Variants in TIAM1 observed in about 807,000 individuals in gnomAD.
TIAM1 encodes rho guanine nucleotide exchange factor TIAM1.
In TIAM1, 65 loss-of-function variants were observed where a neutral mutation model predicts 163.5. The ratio of observed to expected loss-of-function variants is 0.40; its 90% CI spans 0.33 to 0.49. TIAM1 has a LOEUF of 0.49. Ranked by LOEUF, TIAM1 falls within the 20% of genes least tolerant of loss-of-function variation. The probability of loss-of-function intolerance (pLI) is 0.77; values close to 1 mark genes in which losing one functional copy is unlikely to be tolerated. For synonymous variants in TIAM1, 833 were observed against 810.1 expected, an observed-to-expected ratio of 1.03 and a Z score of -0.48; for missense variants, 1,789 against 2,044.7, an observed-to-expected ratio of 0.87 and a Z score of 2.41.
chr21:31,557,405 T>C (rs1053209950), intron 1 of TIAM1, among the ~76,000 whole-genome samples: 2 of 152,188 alleles, frequency 1.3e-5, no homozygotes, highest in Non-Finnish European at 2.9e-5. Context: ...TCACTGTGCT[T>C]TGAGGTTAAT....
chr21:31,297,467 T>G (rs867949192), intron 2 of TIAM1, among the ~76,000 whole-genome samples: 1 of 152,204 alleles, frequency 6.6e-6, no homozygotes, highest in Non-Finnish European at 1.5e-5. Context: ...AGATCTCGGC[T>G]CACTGCAATC....
intron 15 of TIAM1, among the ~76,000 whole-genome samples, chr21:31,167,150 G>C (rs2084272227): frequency 6.9e-6 from 1 of 144,576 alleles, no homozygotes; most frequent in African/African-American, 2.6e-5. Context: ...GGAGTGCAGT[G>C]GTGCAATCTC....
chr21:31,419,122 T>C (rs2043476780), intron 2 of TIAM1, among the ~76,000 whole-genome samples: 1 of 152,066 alleles, frequency 6.6e-6, no homozygotes, highest in African/African-American at 2.4e-5. Flanking sequence ...TCCTCCAACC[T>C]CCTCGCTTCT....
intron 2 of TIAM1, among the ~76,000 whole-genome samples, chr21:31,284,224 G>C (rs868674785): frequency 4.6e-5 from 7 of 152,216 alleles, no homozygotes; most frequent in Non-Finnish European, 7.3e-5. Flanking sequence ...AAACATAAGA[G>C]AGTAATAATC....
chr21:31,272,477 T>C (rs1010961858), intron 3 of TIAM1, among the ~76,000 whole-genome samples: 35 of 149,454 alleles, frequency 2.3e-4, no homozygotes, highest in Admixed American at 1.5e-3. Context: ...CTAAGCCTTT[T>C]GTAAAAAAAA....
chr21:31,172,602 C>T (rs80160495), intron 15 of TIAM1, among the ~76,000 whole-genome samples: 7 of 152,088 alleles, frequency 4.6e-5, no homozygotes, highest in East Asian at 3.9e-4. Context: ...AGCAGGGGAC[C>T]GGGGGAGAGG....
intron 7 of TIAM1, among the ~76,000 whole-genome samples, chr21:31,225,348 A>C (rs76953037): frequency 5.9e-5 from 9 of 152,168 alleles, no homozygotes; most frequent in Admixed American, 5.9e-4. Flanking sequence ...TAAGAATTCA[A>C]AATTTACTGA....
chr21:31,317,984 A>C (rs1385584245), intron 2 of TIAM1, among the ~76,000 whole-genome samples: 1 of 152,252 alleles, frequency 6.6e-6, no homozygotes. Flanking sequence ...ACAGGATTTC[A>C]AAATGAAGAT....
At chr21:31,521,029 T>A (rs574390214) in intron 1 of TIAM1, among the ~76,000 whole-genome samples, 1 of 152,364 alleles carries the variant, frequency 6.6e-6, no homozygotes, top group East Asian at 1.9e-4. Flanking sequence ...GAGCAGGTGC[T>A]TAATAAATGC....
At chr21:31,167,602 C>T (rs760079153) in intron 15 of TIAM1, among the ~76,000 whole-genome samples, 7 of 152,252 alleles carry the variant, frequency 4.6e-5, no homozygotes, top group Admixed American at 6.5e-5. Flanking sequence ...ATCCATCAAT[C>T]CCCAAGCCCT....
intron 3 of TIAM1, among the ~76,000 whole-genome samples, chr21:31,271,523 G>A (rs549542441): frequency 6.6e-6 from 1 of 152,288 alleles, no homozygotes; most frequent in East Asian, 1.9e-4. Context: ...ACTTAGGGGT[G>A]AGGGTGTTCA....
intron 12 of TIAM1, among the ~76,000 whole-genome samples, chr21:31,196,851 T>C (rs1212257571): frequency 6.6e-6 from 1 of 152,160 alleles, no homozygotes; most frequent in African/African-American, 2.4e-5. Flanking sequence ...TATATGCCCA[T>C]CCAGGGTGGA....
At chr21:31,510,538 C>G (rs1386730156) in intron 1 of TIAM1, among the ~76,000 whole-genome samples, 3 of 152,124 alleles carry the variant, frequency 2.0e-5, no homozygotes, top group Non-Finnish European at 4.4e-5. Flanking sequence ...CATTTGAAAA[C>G]TGTTGGGCTC....
intron 22 of TIAM1, among the ~76,000 whole-genome samples, chr21:31,140,085 T>C (rs1367197590): frequency 6.6e-6 from 1 of 152,218 alleles, no homozygotes; most frequent in Admixed American, 6.5e-5. Flanking sequence ...TTATGAGAGG[T>C]CATAATTTTA....
At chr21:31,495,625 G>A (rs748376487) in intron 1 of TIAM1, among the ~76,000 whole-genome samples, 3 of 152,190 alleles carry the variant, frequency 2.0e-5, no homozygotes, top group Non-Finnish European at 4.4e-5. Flanking sequence ...TGCACTGCAC[G>A]ATGACATTTC....
At chr21:31,474,670 C>T (rs932512710) in intron 1 of TIAM1, among the ~76,000 whole-genome samples, 2 of 151,800 alleles carry the variant, frequency 1.3e-5, no homozygotes, top group African/African-American at 2.4e-5. Context: ...CTCAGCCTCC[C>T]GAGTAGCTGG....
In TIAM1 at chr21:31,326,085, G is replaced by A. The variant is rs563784919; in HGVS notation, c.-189+13158C>T. On this transcript the variant is annotated intron_variant, in intron 2 of 27. Transcript: ENST00000541036. ...GGCAGAGTCCCCCTGGAGCAAAACT[G>A]CTGTGCATCTGAACACCCTGACCCC... 3.4e-3 allele frequency among the ~76,000 whole-genome samples: 521 copies of A among 152,206 alleles called. 3 individuals are homozygous for A. Among genetic ancestry groups the A allele is most frequent in the African/African-American group, 0.012 (484 of 41,520 alleles).
In TIAM1 at chr21:31,165,683, G is replaced by T. The variant is rs147944358; in HGVS notation, c.2888-618C>A. ...AAGACAATAATAATTTATAATAAAAGAATATATATATTATATACTAAAAAA... is the reference window on the plus strand; with the variant it reads ...AAGACAATAATAATTTATAATAAAATAATATATATATTATATACTAAAAAA... On this transcript the variant is annotated intron_variant, in intron 15 of 27. Coordinates refer to ENST00000541036, the MANE Select transcript of TIAM1 (RefSeq NM_001353694.2). Among the ~76,000 whole-genome samples the T allele has an allele frequency of 4.2e-3, 642 of 151,282 alleles. 5 individuals are homozygous for T. The highest frequency in any genetic ancestry group is 0.015 in the African/African-American group (622 of 41,320).
intron 4 of TIAM1, among the ~76,000 whole-genome samples, chr21:31,265,244 T>C (rs77345170): frequency 0.011 from 1,614 of 149,074 alleles, 39 homozygotes; most frequent in African/African-American, 0.038. Context: ...CTCGCTTTTG[T>C]TGCCCAGGCT....
Sources: allele counts gnomAD v4.1 joint callset (sites outside exome capture counted in the v4.1 genomes callset), GRCh38; gene constraint gnomAD v4.1.1; transcripts MANE v1.5; gene names NCBI Gene and HGNC (gene_info 2026-07-23, HGNC 2026-07-21).